ITGA3: variants seen among roughly 807,000 people sequenced by gnomAD.
ITGA3 encodes integrin subunit alpha 3.
In ITGA3, 70 loss-of-function variants were observed where a neutral mutation model predicts 131.1. The ratio of observed to expected loss-of-function variants is 0.53; its 90% CI spans 0.44 to 0.65. ITGA3 has a LOEUF of 0.65. ITGA3 is among the 30% of genes least tolerant of loss of function. ITGA3 has a pLI of 0.00. For synonymous variants in ITGA3, 537 were observed against 571.6 expected (o/e 0.94, Z 0.86); for missense variants, 1,098 against 1,388.6 (o/e 0.79, Z 3.33).
Position 50,056,220 on chromosome 17 carries a change from G to A in ITGA3, c.-220G>A. The A allele has an allele frequency of 2.3e-6, 1 of 439,358 alleles. No homozygotes were observed. The highest frequency in any genetic ancestry group is 4.0e-6 in the Non-Finnish European group (1 of 251,720). 27.2% of individuals were successfully genotyped at this position (439,358 alleles called of 1,614,324 possible). ...AGGGACGGCGGCGACCCGGCCGCTGGGGAGGCAGGAAGATAGACCCACGGA... is the reference window on the plus strand; with the variant it reads ...AGGGACGGCGGCGACCCGGCCGCTGAGGAGGCAGGAAGATAGACCCACGGA... On this transcript the variant is annotated 5_prime_UTR_variant, in exon 1 of 26. Coordinates refer to ENST00000320031, the MANE Select transcript of ITGA3 (RefSeq NM_002204.4). This position sits in a 1 kb window ranked among gnomAD's most constrained non-coding sequence, Gnocchi z 5.6.
chr17:50,060,883 T>G (rs1017293336), intron 1 of ITGA3, among the ~76,000 whole-genome samples: 6 of 152,174 alleles, frequency 3.9e-5, no homozygotes, highest in African/African-American at 1.4e-4. Flanking sequence ...GCAGAATTGC[T>G]CATTTGTGTA....
At chr17:50,087,668 C>T in intron 23 of ITGA3, 76 bp from the exon 24 acceptor site, 1 of 1,501,932 alleles carries the variant, frequency 6.7e-7, no homozygotes, top group South Asian at 1.2e-5. Context: ...GGTGCCTGGG[C>T]CCAGCTAGGA....
Position 50,068,316 on chromosome 17 carries a change from T to A in ITGA3, c.664+11T>A. ...CCTACAACTGGAAAGGTGGGGACCA[T>A]GGGGCCATGGGGGAAGAAAGGAAGA... On this transcript the variant is annotated intron_variant, in intron 4 of 25. Coordinates refer to ENST00000320031, the MANE Select transcript of ITGA3 (RefSeq NM_002204.4). 6.2e-7 allele frequency: 1 copy of A among 1,610,626 alleles called. No individual in the cohort carries two copies.
intron 23 of ITGA3, among the ~76,000 whole-genome samples, chr17:50,084,192 C>T (rs1042708581): frequency 2.2e-5 from 3 of 135,910 alleles, no homozygotes; most frequent in African/African-American, 2.9e-5. Flanking sequence ...GATCACTCCA[C>T]TGCACTCCAG....
Position 50,064,419 on chromosome 17 carries a change from T to G in ITGA3, c.335-109T>G. The G allele has an allele frequency of 1.7e-6, 2 of 1,197,356 alleles. No individual in the cohort carries two copies. The highest frequency in any genetic ancestry group is 4.4e-5 in the Admixed American group (2 of 45,030). 74.2% of individuals were successfully genotyped at this position (1,197,356 alleles called of 1,614,324 possible). A position where few individuals can be genotyped will look rare whatever the true frequency, so the allele number is the denominator to read the frequency against. ...GCTGGAGAAGGGGAGTTGGGAGGGC[T>G]GCCCTGTGGGTGGAGGGCCCAAGCG... is the stretch of plus-strand genomic sequence containing the variant. On this transcript the variant is annotated intron_variant, in intron 2 of 25. Coordinates refer to ENST00000320031, the MANE Select transcript of ITGA3 (RefSeq NM_002204.4). The surrounding 1 kb of genome is among the most constrained non-coding windows in gnomAD (Gnocchi z 4.4).
rs1463930977 is a variant in ITGA3 at position 50,076,458 on chromosome 17, C to G, written c.1807C>G (p.Leu603Val). 1.1e-5 allele frequency: 17 copies of G among 1,609,526 alleles called. No individual in the cohort carries two copies. The highest frequency in any genetic ancestry group is 1.4e-5 in the Non-Finnish European group (16 of 1,179,986). ...CCCGATCCTCAACCAGGCACAGGCTCTGGAGAACCACACTGAGGTGAGTGG... is the reference window on the plus strand; with the variant it reads ...CCCGATCCTCAACCAGGCACAGGCTGTGGAGAACCACACTGAGGTGAGTGG... ...AYPILNQAQA[L>V]ENHTEVQFQK... Residue 603 changes from leucine to valine, a missense_variant, in exon 13 of 26, where the codon CTG becomes GTG. Around this residue, in one of 3 missense-constraint regions of ITGA3, gnomAD observed 699 missense variants for 829.2 expected, o/e 0.84. Transcript: ENST00000320031.
intron 6 of ITGA3, 132 bp downstream of exon 6, chr17:50,071,650 T>A: frequency 1.2e-6 from 1 of 865,102 alleles, no homozygotes; most frequent in Non-Finnish European, 1.8e-6. Context: ...AGGTTTGCAG[T>A]CAGGCTTTAT....
At chr17:50,076,907 G>T in intron 14 of ITGA3, 67 bp from the exon 15 acceptor site, 2 of 1,538,796 alleles carry the variant, frequency 1.3e-6, no homozygotes, top group Admixed American at 1.8e-5. Flanking sequence ...CCAGGGGCGG[G>T]GCCTAGTTGA....
In ITGA3 at chr17:50,076,571, G is replaced by A. The variant is rs373784669; in HGVS notation, c.1825-13G>A. On this transcript the variant is annotated splice_polypyrimidine_tract_variant and intron_variant, in intron 13 of 25. Coordinates refer to ENST00000320031, the MANE Select transcript of ITGA3 (RefSeq NM_002204.4). Reference sequence around the variant, plus strand: ...GGGGTGGTGCGGCCTTCACACCTCCGGCCACCCCCCAGGTCCAGTTCCAGA... The same window carrying A: ...GGGGTGGTGCGGCCTTCACACCTCCAGCCACCCCCCAGGTCCAGTTCCAGA... The A allele has an allele frequency of 1.0e-4, 168 of 1,611,892 alleles. No homozygotes were observed. The highest frequency in any genetic ancestry group is 1.0e-3 in the Admixed American group (62 of 59,992).
Position 50,071,424 on chromosome 17 carries a change from G to A in ITGA3, c.865G>A (p.Gly289Ser). The change falls in exon 6 of 26, where the codon GGC becomes AGC. Residue 289 changes from glycine (G) to serine (S), a missense_variant. Gly to Ser is a moderately conservative substitution (Grantham distance 56). Coordinates refer to ENST00000320031, the MANE Select transcript of ITGA3 (RefSeq NM_002204.4). The part of the protein sequence containing the change: ...GAVFLLSQEA[G>S]GDLRRRQVLE... Reference sequence around the variant, plus strand: ...GGTGTTCTTGCTGAGCCAGGAGGCAGGCGGAGACCTGCGGAGGAGGCAGGT... The same window carrying A: ...GGTGTTCTTGCTGAGCCAGGAGGCAAGCGGAGACCTGCGGAGGAGGCAGGT... 2 of 1,614,170 alleles carry A rather than the reference G, an allele frequency of 1.2e-6. No individual in the cohort carries two copies. Among genetic ancestry groups the A allele is most frequent in the Non-Finnish European group, 8.5e-7 (1 of 1,180,042 alleles).
rs1454232094 is a variant in ITGA3 at position 50,072,199 on chromosome 17, C to G, written c.1156+17C>G. The G allele has an allele frequency of 1.9e-6, 3 of 1,602,548 alleles. No individual in the cohort carries two copies. The highest frequency in any genetic ancestry group is 2.6e-6 in the Non-Finnish European group (3 of 1,172,688). On this transcript the variant is annotated intron_variant, in intron 7 of 25. Transcript: ENST00000320031. ...GATTTCAGGGTATGAGCCAGCACTC[C>G]TCCCCCAGCACCCCTCCTCCAGCAC...
chr17:50,081,430 G>C, intron 23 of ITGA3, 22 bp downstream of exon 23: 1 of 1,514,094 alleles, frequency 6.6e-7, no homozygotes, highest in Non-Finnish European at 9.0e-7. Flanking sequence ...TGTTCACTAG[G>C]ACAGCAGTCT....
At position 50,056,629 on chromosome 17, in the gene ITGA3, C is replaced by A. The variant is rs751924860; in HGVS notation, c.190C>A (p.Arg64=). The change falls in exon 1 of 26, where the codon CGG becomes AGG. Residue 64 remains arginine (R), a synonymous_variant. Coordinates refer to ENST00000320031, the MANE Select transcript of ITGA3 (RefSeq NM_002204.4). This position sits in a 1 kb window ranked among gnomAD's most constrained non-coding sequence, Gnocchi z 5.6. ...GGTCGCCCTCCATCGGCAGACAGAG[C>A]GGCAGCAGCGCTACCTGTAAGTGAA... ...YSVALHRQTE[R]QQRYLLLAGA... The A allele has an allele frequency of 1.1e-5, 18 of 1,601,338 alleles. No homozygotes were observed. The highest frequency in any genetic ancestry group is 1.0e-4 in the Admixed American group (6 of 58,762).
At chr17:50,079,652 T>G in intron 21 of ITGA3, 95 bp downstream of exon 21, 1 of 1,272,458 alleles carries the variant, frequency 7.9e-7, no homozygotes, top group South Asian at 2.4e-5. Flanking sequence ...GACCTCAGTG[T>G]GATGAGGTGA....
At position 50,079,473 on chromosome 17, in the gene ITGA3, G is replaced by A; in HGVS notation, c.2622G>A (p.Arg874=). The A allele has an allele frequency of 1.3e-6, 2 of 1,576,884 alleles. No individual in the cohort carries two copies. Among genetic ancestry groups the A allele is most frequent in the Non-Finnish European group, 1.7e-6 (2 of 1,162,798 alleles). ...GDRPSSPQRR[R]RQLDPGGGQG... ...GGCCATCATCCCCACAGCGCAGGCG[G>A]CGACAGCTGGATCCAGGGGGAGGCC... is the stretch of plus-strand genomic sequence containing the variant. Residue 874 remains arginine (R), a synonymous_variant, in exon 21 of 26, where the codon CGG becomes CGA. Transcript: ENST00000320031.
In ITGA3 at chr17:50,080,291, G is replaced by A. The variant is rs778612796; in HGVS notation, c.2736G>A (p.Val912=). 2 of 1,613,076 alleles carry A rather than the reference G, an allele frequency of 1.2e-6. No individual in the cohort carries two copies. The highest frequency in any genetic ancestry group is 1.7e-6 in the Non-Finnish European group (2 of 1,179,516). ...GTGCCACAGGGCGTGCCCACTGTGT[G>A]TGGCTAGAGTGCCCCATCCCTGATG... ...LTCATGRAHC[V]WLECPIPDAP... is the part of the protein sequence containing the mutation. The change falls in exon 22 of 26, where the codon GTG becomes GTA. Residue 912 remains valine (V), a synonymous_variant. Coordinates refer to ENST00000320031, the MANE Select transcript of ITGA3 (RefSeq NM_002204.4).
chr17:50,087,892 G>C (rs1478052337), intron 24 of ITGA3, 23 bp downstream of exon 24: 1 of 1,538,852 alleles, frequency 6.5e-7, no homozygotes, highest in African/African-American at 1.4e-5. Flanking sequence ...GCCCACTCCT[G>C]CTCCGGGACC....
intron 22 of ITGA3, among the ~76,000 whole-genome samples, chr17:50,080,725 C>A (rs1015030776): frequency 6.6e-6 from 1 of 152,076 alleles, no homozygotes; most frequent in Non-Finnish European, 1.5e-5. Context: ...CATCAGTGAG[C>A]TCTTTTCTGG....
chr17:50,069,501 A>G (rs1343677142), intron 4 of ITGA3, among the ~76,000 whole-genome samples: 7 of 152,104 alleles, frequency 4.6e-5, no homozygotes, highest in Non-Finnish European at 8.8e-5. Flanking sequence ...CCTTGTCTCT[A>G]CAAAAAATTT....
Sources: allele counts gnomAD v4.1 joint callset (sites outside exome capture counted in the v4.1 genomes callset), GRCh38; gene constraint gnomAD v4.1.1; regional missense constraint gnomAD v4.1.1; non-coding constraint Gnocchi (gnomAD v3.1); transcripts MANE v1.5; gene names NCBI Gene and HGNC (gene_info 2026-07-23, HGNC 2026-07-21).